Variants in DYSF observed in about 807,000 individuals in gnomAD.
DYSF encodes the protein dystrophy-associated fer-1-like 1.
DYSF carries 212 observed loss-of-function variants against 274.9 expected under a neutral mutation model. The ratio of observed to expected loss-of-function variants is 0.77; its 90% confidence interval spans 0.69 to 0.86. DYSF has a LOEUF of 0.86. Among genes scored for constraint, DYSF ranks in the 40% least tolerant of loss-of-function variants. The pLI is 0.00. For missense variants in DYSF, 2,666 were observed against 2,783.2 expected, an observed-to-expected ratio of 0.96 and a Z score of 0.95; for synonymous variants, 1,091 against 1,078.7, an observed-to-expected ratio of 1.01 and a Z score of -0.22.
At chr2:71,480,516 C>T (rs1053515039) in intron 1 of DYSF, among the ~76,000 whole-genome samples, 11 of 151,942 alleles carry the variant, frequency 7.2e-5, no homozygotes, top group African/African-American at 2.7e-4. Flanking sequence ...ATCTCACCAT[C>T]GCACTCCAGC....
In DYSF at chr2:71,644,031, T is replaced by C. The variant is rs762482241; in HGVS notation, c.4594T>C (p.Ser1532Pro). ...CATAGGGGAGAGGGAAAAGTGCGGCTCCTACCTGGAGAAGGATTTTGACAC... is the reference window on the plus strand; with the variant it reads ...CATAGGGGAGAGGGAAAAGTGCGGCCCCTACCTGGAGAAGGATTTTGACAC... ...ASIGEREKCGSYLEKDFDTLK... is the reference protein window; with the variant it reads ...ASIGEREKCGPYLEKDFDTLK... The change falls in exon 42 of 56, where the codon TCC becomes CCC. Residue 1532 changes from serine (S) to proline (P), a missense_variant. Physicochemically the swap from Ser to Pro is moderately conservative, Grantham distance 74. Coordinates refer to ENST00000410020, the MANE Select transcript of DYSF (RefSeq NM_001130987.2). 2 of 1,612,246 alleles carry C rather than the reference T, an allele frequency of 1.2e-6. No individual in the cohort carries two copies. The highest frequency in any genetic ancestry group is 1.7e-6 in the Non-Finnish European group (2 of 1,179,284).
chr2:71,554,912 G>C (rs541757334), intron 21 of DYSF, among the ~76,000 whole-genome samples: 1 of 152,184 alleles, frequency 6.6e-6, no homozygotes, highest in Non-Finnish European at 1.5e-5. Context: ...TCCTGGCAGT[G>C]GCTGTAGGGG....
At chr2:71,660,909 G>A (rs948060953) in intron 45 of DYSF, among the ~76,000 whole-genome samples, 2 of 151,976 alleles carry the variant, frequency 1.3e-5, no homozygotes, top group East Asian at 1.9e-4. Context: ...TTGAGCTCAG[G>A]AGTTTGAGAC....
chr2:71,470,414 T>G (rs140125572), intron 1 of DYSF, among the ~76,000 whole-genome samples: 374 of 152,226 alleles, frequency 2.5e-3, no homozygotes, highest in African/African-American at 8.6e-3. Context: ...GGCTCACGCC[T>G]GTAATCCCAG....
chr2:71,558,605 T>G (rs1014914892), intron 22 of DYSF, among the ~76,000 whole-genome samples: 9 of 152,200 alleles, frequency 5.9e-5, no homozygotes, highest in African/African-American at 2.2e-4. Flanking sequence ...CTGGAATATC[T>G]GAGACCTGTG....
At chr2:71,618,624 T>TGC (rs2094006769) in intron 40 of DYSF, among the ~76,000 whole-genome samples, 2 of 24,800 alleles carry the variant, frequency 8.1e-5, no homozygotes, top group African/African-American at 1.7e-4. Flanking sequence ...GTAGAGGTGG[T>TGC]GTGTGTGTTA....
intron 18 of DYSF, 24 bp from the exon 19 acceptor site, chr2:71,551,583 C>T (rs1304591259): frequency 1.3e-6 from 2 of 1,586,528 alleles, no homozygotes; most frequent in South Asian, 1.1e-5. Context: ...TCCCCTGCTC[C>T]TTGTGACCTG....
intron 1 of DYSF, among the ~76,000 whole-genome samples, chr2:71,473,918 A>AT (rs10659171): frequency 0.081 from 6,801 of 83,670 alleles, 495 homozygotes; most frequent in African/African-American, 0.15. Flanking sequence ...TTTCTGTATG[A>AT]TTTTTTTTTT....
intron 21 of DYSF, 50 bp downstream of exon 21, chr2:71,553,981 A>AC (rs772732475): frequency 6.2e-7 from 1 of 1,613,314 alleles, no homozygotes; most frequent in Non-Finnish European, 8.5e-7. Context: ...TGCACCTGCT[A>AC]CCCCCGCTGC....
chr2:71,663,048 C>CTGTGTCCATGTGTCTACATAT (rs1553411904), intron 45 of DYSF, among the ~76,000 whole-genome samples: 1 of 29,708 alleles, frequency 3.4e-5, no homozygotes, highest in Non-Finnish European at 1.1e-4. Context: ...TGTGCGCGCA[C>CTGTGTCCATGTGTCTACATAT]GCGCGTGGTG....
In DYSF at chr2:71,658,859, A is replaced by C; in HGVS notation, c.4756-19A>C. On this transcript the variant is annotated intron_variant, in intron 43 of 55. Transcript: ENST00000410020. ...AACAATGATGATAAAAATGAAAATT[A>C]ACCCTTCCTTCTTTTCAGGGCCTCT... 2 of 1,614,146 alleles carry C rather than the reference A, an allele frequency of 1.2e-6. No individual in the cohort carries two copies. Among genetic ancestry groups the C allele is most frequent in the East Asian group, 2.2e-5 (1 of 44,884 alleles).
At chr2:71,669,813 C>T (rs1282104316) in intron 51 of DYSF, 67 bp downstream of exon 51, 1 of 1,604,738 alleles carries the variant, frequency 6.2e-7, no homozygotes, top group East Asian at 2.2e-5. Flanking sequence ...GACCTGACCA[C>T]CACGTCCCTG....
At chr2:71,517,641 T>G (rs1436718446) in intron 10 of DYSF, among the ~76,000 whole-genome samples, 1 of 152,128 alleles carries the variant, frequency 6.6e-6, no homozygotes, top group Non-Finnish European at 1.5e-5. Flanking sequence ...TTTTACAACT[T>G]GGAGCAAGGT....
At chr2:71,505,857 A>C (rs2085423496) in intron 4 of DYSF, among the ~76,000 whole-genome samples, 1 of 152,202 alleles carries the variant, frequency 6.6e-6, no homozygotes. Flanking sequence ...GGAGGACAAG[A>C]GCCTACGAAG....
chr2:71,530,407 C>T (rs1383434140), intron 14 of DYSF, among the ~76,000 whole-genome samples: 6 of 152,224 alleles, frequency 3.9e-5, no homozygotes, highest in African/African-American at 9.6e-5. Context: ...CGGGCTGCTC[C>T]TGGGTCCCTG....
intron 36 of DYSF, among the ~76,000 whole-genome samples, chr2:71,604,960 C>T (rs1009815683): frequency 6.6e-6 from 1 of 152,106 alleles, no homozygotes; most frequent in African/African-American, 2.4e-5. Context: ...CAACAAACTT[C>T]CCCTCTCCCA....
At chr2:71,509,191 T>A (rs139988458) in intron 4 of DYSF, among the ~76,000 whole-genome samples, 3 of 150,766 alleles carry the variant, frequency 2.0e-5, no homozygotes, top group Non-Finnish European at 4.4e-5. Context: ...TTGAGACTGG[T>A]CTCATTCTGT....
intron 24 of DYSF, among the ~76,000 whole-genome samples, chr2:71,564,841 G>A (rs886592868): frequency 6.6e-6 from 1 of 152,230 alleles, no homozygotes; most frequent in Non-Finnish European, 1.5e-5. Context: ...CTTTGGGGAC[G>A]GGTGACAGGG....
At chr2:71,603,069 A>G (rs1484129577) in intron 36 of DYSF, among the ~76,000 whole-genome samples, 2 of 152,200 alleles carry the variant, frequency 1.3e-5, no homozygotes, top group African/African-American at 4.8e-5. Context: ...AGCAATACAG[A>G]TTCTTAAATG....
Sources: gnomAD v4.1 joint callset for allele counts (sites outside exome capture counted in the v4.1 genomes callset) on GRCh38, gnomAD v4.1.1 for gene constraint, MANE v1.5 for transcripts, NCBI Gene and HGNC (gene_info 2026-07-23, HGNC 2026-07-21) for gene names.